The following GPC3 variants were observed in gnomAD, a reference collection of about 807,000 sequenced individuals.
The protein encoded by GPC3 is glypican 3.
In GPC3, 3 loss-of-function variants were observed where a neutral mutation model predicts 34.4. The ratio of observed to expected loss-of-function variants is 0.09; its 90% CI spans 0.04 to 0.23. GPC3 has a LOEUF of 0.23. GPC3 is among the 10% of genes least tolerant of loss of function. The pLI, the probability that GPC3 is intolerant of heterozygous loss-of-function variation, is 1.00. For missense variants in GPC3, 351 were observed against 445.6 expected (o/e 0.79, Z 1.91); for synonymous variants, 177 against 174.0 (o/e 1.02, Z -0.13).
intron 6 of GPC3, among the ~76,000 whole-genome samples, chrX:133,607,594 C>CTTGATTTTTT (rs2124343859): frequency 8.9e-6 from 1 of 112,003 alleles, no homozygotes; most frequent in East Asian, 2.8e-4. Context: ...TTTTTTCCAA[C>CTTGATTTTTT]CTCTGTCCCT....
At chrX:133,898,793 A>G (rs2076131462) in intron 2 of GPC3, among the ~76,000 whole-genome samples, 1 of 112,136 alleles carries the variant, frequency 8.9e-6, no homozygotes, top group Non-Finnish European at 1.9e-5. Context: ...ACACACTGCA[A>G]CTTCCCAAAG....
intron 2 of GPC3, among the ~76,000 whole-genome samples, chrX:133,887,560 T>C (rs1359877971): frequency 8.9e-6 from 1 of 112,086 alleles, no homozygotes; most frequent in East Asian, 2.8e-4. Context: ...GAGTTCCTCA[T>C]ATACTCTGGA....
intron 2 of GPC3, among the ~76,000 whole-genome samples, chrX:133,862,721 T>G (rs1028210984): frequency 9.0e-6 from 1 of 110,824 alleles, no homozygotes; most frequent in African/African-American, 3.3e-5. Flanking sequence ...ATAATAATAC[T>G]GACTACACTT....
At chrX:133,679,853 G>A (rs902098429) in intron 5 of GPC3, among the ~76,000 whole-genome samples, 47 of 110,414 alleles carry the variant, frequency 4.3e-4, no homozygotes, top group Non-Finnish European at 8.1e-4. Flanking sequence ...ACGGGGTTTC[G>A]ACATGTTGCC....
At chrX:133,651,851 C>G (rs967094274) in intron 6 of GPC3, among the ~76,000 whole-genome samples, 7 of 112,378 alleles carry the variant, frequency 6.2e-5, no homozygotes, top group African/African-American at 1.9e-4. Flanking sequence ...TTTCTCCTTA[C>G]TTATTTTAAA....
chrX:133,613,664 T>C (rs933808425), intron 6 of GPC3, among the ~76,000 whole-genome samples: 3 of 112,128 alleles, frequency 2.7e-5, no homozygotes, highest in Admixed American at 9.5e-5. Flanking sequence ...TTTCCAAGCA[T>C]CCATGTTACT....
At chrX:133,637,078 C>T (rs963813846) in intron 6 of GPC3, among the ~76,000 whole-genome samples, 1 of 112,081 alleles carries the variant, frequency 8.9e-6, no homozygotes, top group East Asian at 2.8e-4. Flanking sequence ...TTATTTTGTT[C>T]TCACTTTGAC....
intron 3 of GPC3, among the ~76,000 whole-genome samples, chrX:133,705,200 T>C (rs1221379759): frequency 9.0e-6 from 1 of 111,389 alleles, no homozygotes; most frequent in Non-Finnish European, 1.9e-5. Context: ...GTATTACTTA[T>C]TTATTTATTT....
chrX:133,729,341 C>T (rs1421300218), intron 3 of GPC3, among the ~76,000 whole-genome samples: 1 of 111,829 alleles, frequency 8.9e-6, no homozygotes, highest in Non-Finnish European at 1.9e-5. Flanking sequence ...TTTGTTCCTT[C>T]CCAGCAGTCA....
intron 2 of GPC3, among the ~76,000 whole-genome samples, chrX:133,927,289 GT>G (rs1456361250): frequency 1.2e-4 from 13 of 109,979 alleles, no homozygotes; most frequent in African/African-American, 4.0e-4. Context: ...GAAAAGGTAT[GT>G]TACCAAATAG....
intron 2 of GPC3, among the ~76,000 whole-genome samples, chrX:133,923,235 G>A (rs1367345015): frequency 9.0e-6 from 1 of 111,657 alleles, no homozygotes; most frequent in Non-Finnish European, 1.9e-5. Flanking sequence ...GACCCATTTA[G>A]TCAGGGAGAG....
At chrX:133,682,414 T>G (rs903418668) in intron 5 of GPC3, among the ~76,000 whole-genome samples, 1 of 111,732 alleles carries the variant, frequency 8.9e-6, no homozygotes, top group Non-Finnish European at 1.9e-5. Flanking sequence ...AAATCCAGTT[T>G]ACCTTTATGG....
At chrX:133,744,217 T>C in intron 3 of GPC3, among the ~76,000 whole-genome samples, 1 of 111,406 alleles carries the variant, frequency 9.0e-6, no homozygotes, top group African/African-American at 3.3e-5. Flanking sequence ...ATCATCAGAG[T>C]GAACAGGCAA....
intron 1 of GPC3, among the ~76,000 whole-genome samples, chrX:133,954,738 CTTTTTTTT>C (rs1166218378): frequency 1.9e-4 from 10 of 53,775 alleles, no homozygotes; most frequent in African/African-American, 4.6e-4. Flanking sequence ...CAAACTTTCT[CTTTTTTTT>C]TTTTTTTTTT....
chrX:133,706,645 A>C (rs1471255119), intron 3 of GPC3, among the ~76,000 whole-genome samples: 1 of 112,439 alleles, frequency 8.9e-6, no homozygotes, highest in Non-Finnish European at 1.9e-5. Flanking sequence ...AATCAAAATC[A>C]CAATGAGATA....
chrX:133,607,843 T>C (rs2070067580), intron 6 of GPC3, among the ~76,000 whole-genome samples: 1 of 112,518 alleles, frequency 8.9e-6, no homozygotes, highest in Non-Finnish European at 1.9e-5. Flanking sequence ...AGTCATTCGA[T>C]CTTTTTAAGC....
intron 7 of GPC3, among the ~76,000 whole-genome samples, chrX:133,544,890 C>T (rs2069369678): frequency 9.0e-6 from 1 of 111,202 alleles, no homozygotes; most frequent in Admixed American, 9.6e-5. Flanking sequence ...AGAACAACCC[C>T]ATCCTGGAAG....
intron 2 of GPC3, among the ~76,000 whole-genome samples, chrX:133,767,513 C>T (rs950377464): frequency 9.0e-6 from 1 of 111,687 alleles, no homozygotes; most frequent in African/African-American, 3.3e-5. Context: ...AGTCGCAGTT[C>T]GTTCAAAGGG....
At chrX:133,588,398 CA>C (rs2069812959) in intron 7 of GPC3, among the ~76,000 whole-genome samples, 1 of 110,825 alleles carries the variant, frequency 9.0e-6, no homozygotes, top group Admixed American at 9.7e-5. Flanking sequence ...AACAAACAAA[CA>C]AACAAAAAAA....
Sources: allele counts gnomAD v4.1 joint callset (sites outside exome capture counted in the v4.1 genomes callset), GRCh38; gene constraint gnomAD v4.1.1; transcripts MANE v1.5; gene names NCBI Gene and HGNC (gene_info 2026-07-23, HGNC 2026-07-21).